The following OTOGL variants were observed in gnomAD, a reference collection of about 807,000 sequenced individuals.
The protein encoded by OTOGL is otogelin like, also known as otogelin-like protein.
A neutral mutation model predicts 318.5 loss-of-function variants in OTOGL; 285 were observed. The observed-to-expected ratio is 0.89, with a 90% confidence interval of 0.81 to 0.99. The LOEUF (loss-of-function observed/expected upper bound fraction) is 0.99, where lower values mean the gene tolerates loss of function less well. Ranked by LOEUF, OTOGL falls within the 50% of genes least tolerant of loss-of-function variation. The probability of loss-of-function intolerance (pLI) is 0.00; values close to 1 mark genes in which losing one functional copy is unlikely to be tolerated. For missense variants in OTOGL, 2,899 were observed against 2,845.6 expected (o/e 1.02, Z -0.43); for synonymous variants, 987 against 936.5 (o/e 1.05, Z -0.99).
chr12:80,176,965 A>G (rs1256231747), intron 1 of OTOGL, among the ~76,000 whole-genome samples: 2 of 152,084 alleles, frequency 1.3e-5, no homozygotes, highest in Non-Finnish European at 2.9e-5. Flanking sequence ...GATGTTAAGC[A>G]TCTGTTCATG....
At chr12:80,346,366 G>T (rs1889195570) in intron 44 of OTOGL, among the ~76,000 whole-genome samples, 1 of 151,682 alleles carries the variant, frequency 6.6e-6, no homozygotes, top group Non-Finnish European at 1.5e-5. Flanking sequence ...AAGTCCTGTT[G>T]CAAGAAAAAA....
chr12:80,186,104 C>CTTGGCAA (rs1565892317), intron 1 of OTOGL, among the ~76,000 whole-genome samples: 2 of 152,124 alleles, frequency 1.3e-5, no homozygotes, highest in Non-Finnish European at 1.5e-5. Context: ...TTATCTTTTA[C>CTTGGCAA]CCCTTATATC....
intron 1 of OTOGL, chr12:80,103,356 A>G: frequency 8.4e-7 from 1 of 1,191,722 alleles, no homozygotes; most frequent in South Asian, 1.3e-5. Flanking sequence ...CGCTTCGGTG[A>G]TCGATCTTCT....
intron 44 of OTOGL, among the ~76,000 whole-genome samples, chr12:80,343,038 C>T (rs115053883): frequency 5.9e-5 from 9 of 152,110 alleles, no homozygotes; most frequent in Admixed American, 5.2e-4. Context: ...CCGGCGACCA[C>T]GCCCAGCTGA....
intron 26 of OTOGL, among the ~76,000 whole-genome samples, chr12:80,283,274 A>G (rs1056749966): frequency 2.6e-5 from 4 of 151,936 alleles, no homozygotes; most frequent in African/African-American, 7.2e-5. Context: ...GTGACTTCCA[A>G]TGGCCTCCAG....
Position 80,271,664 on chromosome 12 carries a change from G to A in OTOGL, c.2535G>A (p.Glu845=). 1 of 1,612,720 alleles carries A rather than the reference G, an allele frequency of 6.2e-7. No homozygotes were observed. Among genetic ancestry groups the A allele is most frequent in the Non-Finnish European group, 8.5e-7 (1 of 1,179,288 alleles). ...ATPSAVHICP[E]GKEYFDCRFP... is the part of the protein sequence containing the mutation. ...TATCTGAAGTTCACATCTGCCCAGA[G>A]GGAAAAGAGTATTTCGACTGCAGGT... The change falls in exon 24 of 59, where the codon GAG becomes GAA. Residue 845 remains glutamate (E), a synonymous_variant. Transcript: ENST00000547103.
chr12:80,264,493 T>C (rs1882792131), intron 19 of OTOGL, among the ~76,000 whole-genome samples: 1 of 152,242 alleles, frequency 6.6e-6, no homozygotes, highest in South Asian at 2.1e-4. Context: ...CACTGTGCAT[T>C]GTGCAGACAT....
chr12:80,162,687 C>T (rs1373302248), intron 1 of OTOGL, among the ~76,000 whole-genome samples: 1 of 152,010 alleles, frequency 6.6e-6, no homozygotes, highest in Non-Finnish European at 1.5e-5. Flanking sequence ...CAAATTTTCC[C>T]TTTTGTGAGG....
chr12:80,100,593 A>G (rs1293519227), intron 1 of OTOGL, among the ~76,000 whole-genome samples: 2 of 152,190 alleles, frequency 1.3e-5, no homozygotes, highest in South Asian at 4.1e-4. Context: ...AAACCGCTAG[A>G]AAGTATTACA....
chr12:80,233,162 T>A, intron 9 of OTOGL, 65 bp downstream of exon 9: 1 of 1,397,220 alleles, frequency 7.2e-7, no homozygotes, highest in Non-Finnish European at 9.6e-7. Flanking sequence ...GACCAAGTTG[T>A]TTGTACCCAG....
chr12:80,109,336 C>T (rs1338869955), intron 1 of OTOGL, among the ~76,000 whole-genome samples: 1 of 152,108 alleles, frequency 6.6e-6, no homozygotes, highest in Admixed American at 6.6e-5. Flanking sequence ...GGTTCTTTCT[C>T]TATTTGTTAT....
intron 26 of OTOGL, among the ~76,000 whole-genome samples, chr12:80,285,442 G>A (rs1411881863): frequency 6.6e-6 from 1 of 152,110 alleles, no homozygotes; most frequent in East Asian, 1.9e-4. Flanking sequence ...GATGGGAATA[G>A]CATTGAATCT....
chr12:80,158,326 C>A (rs1385876602), intron 1 of OTOGL, among the ~76,000 whole-genome samples: 2 of 151,950 alleles, frequency 1.3e-5, no homozygotes, highest in African/African-American at 4.8e-5. Context: ...TTATCAGGCT[C>A]CACTGGGGAT....
At chr12:80,319,812 T>C (rs1442860319) in intron 33 of OTOGL, among the ~76,000 whole-genome samples, 4 of 152,106 alleles carry the variant, frequency 2.6e-5, no homozygotes, top group African/African-American at 4.8e-5. Context: ...TGAAAAAGGG[T>C]GATAATTTTT....
At chr12:80,348,085 G>A (rs529730751) in intron 44 of OTOGL, among the ~76,000 whole-genome samples, 21 of 152,246 alleles carry the variant, frequency 1.4e-4, no homozygotes, top group African/African-American at 4.3e-4. Flanking sequence ...TGTTCACTCT[G>A]ACGATAGTTT....
chr12:80,357,244 T>C (rs1889964006), intron 49 of OTOGL, among the ~76,000 whole-genome samples: 1 of 152,164 alleles, frequency 6.6e-6, no homozygotes, highest in South Asian at 2.1e-4. Flanking sequence ...TAATGGGCTC[T>C]GCTAAGACTT....
At chr12:80,285,227 A>G (rs1452737060) in intron 26 of OTOGL, among the ~76,000 whole-genome samples, 3 of 152,042 alleles carry the variant, frequency 2.0e-5, no homozygotes, top group Admixed American at 6.6e-5. Context: ...GTTAGGTTCC[A>G]TTGGTCTATA....
intron 52 of OTOGL, among the ~76,000 whole-genome samples, chr12:80,359,828 T>C (rs1890129327): frequency 6.6e-6 from 1 of 152,240 alleles, no homozygotes; most frequent in Non-Finnish European, 1.5e-5. Context: ...TATGATGCCA[T>C]GTATTTCTCT....
chr12:80,231,916 C>T (rs1027104075), intron 8 of OTOGL, among the ~76,000 whole-genome samples: 2 of 151,714 alleles, frequency 1.3e-5, no homozygotes, highest in South Asian at 2.1e-4. Flanking sequence ...GAATTACAGG[C>T]GTGAGCCACC....
Sources: gnomAD v4.1 joint callset for allele counts (sites outside exome capture counted in the v4.1 genomes callset) on GRCh38, gnomAD v4.1.1 for gene constraint, MANE v1.5 for transcripts, NCBI Gene and HGNC (gene_info 2026-07-23, HGNC 2026-07-21) for gene names.